Variants in SUN1 observed in about 807,000 individuals in gnomAD.
The protein encoded by SUN1 is Sad1 and UNC84 domain containing 1.
In SUN1, 61 loss-of-function variants were observed where a neutral mutation model predicts 103.2. That is an observed-to-expected ratio of 0.59 (90% CI 0.48 to 0.73). SUN1 has a LOEUF of 0.73. Among genes scored for constraint, SUN1 ranks in the 30% least tolerant of loss-of-function variants. The probability of loss-of-function intolerance (pLI) is 0.00; values close to 1 mark genes in which losing one functional copy is unlikely to be tolerated. For missense variants in SUN1, 1,052 were observed against 1,034.6 expected (o/e 1.02, Z -0.23); for synonymous variants, 490 against 425.7 (o/e 1.15, Z -1.86).
In SUN1 at chr7:860,352, C is replaced by T. The variant is rs780539401; in HGVS notation, c.1749C>T (p.Ser583=). The change falls in exon 14 of 19, where the codon AGC becomes AGT. Residue 583 remains serine, a synonymous_variant. Coordinates refer to ENST00000401592, the MANE Select transcript of SUN1 (RefSeq NM_001130965.3). ...CAGAAGCCGTGGTGTCTGCTGTGAGCGAGGCGGGGGCGTCTGGAATAACAG... is the reference window on the plus strand; with the variant it reads ...CAGAAGCCGTGGTGTCTGCTGTGAGTGAGGCGGGGGCGTCTGGAATAACAG... The part of the protein sequence containing the change: ...PTSEAVVSAV[S]EAGASGITEA... The T allele has an allele frequency of 1.1e-5, 17 of 1,614,068 alleles. No individual in the cohort carries two copies. Among genetic ancestry groups the T allele is most frequent in the South Asian group, 3.3e-5 (3 of 91,084 alleles).
chr7:832,910 C>T (rs190740316), intron 1 of SUN1: 15 of 292,668 alleles, frequency 5.1e-5, no homozygotes, highest in African/African-American at 1.3e-4. Flanking sequence ...TTTGTGAGAA[C>T]GTATCAGTGG....
rs1562876683 is a variant in SUN1 at position 874,652 on chromosome 7, T to G, written c.*1321T>G. On this transcript the variant is annotated 3_prime_UTR_variant, in exon 19 of 19. Transcript: ENST00000401592. ...AACTATGCAGTTAAGGCAGATAAAA[T>G]GTACAGATGTTTCATATATTACAGG... The G allele has an allele frequency of 6.6e-6, 1 of 152,222 alleles. No homozygotes were observed. Among genetic ancestry groups the G allele is most frequent in the South Asian group, 2.1e-4 (1 of 4,830 alleles). The allele number at this position is 152,222 out of a possible 1,614,324, so 9.4% of individuals were successfully genotyped here. A position where few individuals can be genotyped will look rare whatever the true frequency, so the allele number is the denominator to read the frequency against.
At chr7:831,070 A>T, upstream of SUN1, 1 of 929,898 alleles carries the variant, frequency 1.1e-6, no homozygotes, top group Non-Finnish European at 1.3e-6. Context: ...TGGTTAAAGT[A>T]GGTAGACAGG....
upstream of SUN1, among the ~76,000 whole-genome samples, chr7:829,413 T>C (rs193080733): frequency 5.8e-3 from 883 of 152,284 alleles, 4 homozygotes; most frequent in South Asian, 0.022. Flanking sequence ...CGGCGAGCAG[T>C]GCAAGGGCTG....
At chr7:826,699 C>T (rs995170687) in intron 1 of SUN1, among the ~76,000 whole-genome samples, 2 of 152,156 alleles carry the variant, frequency 1.3e-5, no homozygotes, top group Non-Finnish European at 2.9e-5. Context: ...AGGTTCCCCA[C>T]GGTTTCTGAT....
At chr7:829,551 T>TC (rs1795976920), upstream of SUN1, among the ~76,000 whole-genome samples, 1 of 150,672 alleles carries the variant, frequency 6.6e-6, no homozygotes, top group Admixed American at 6.6e-5. Context: ...ATAACTGGTT[T>TC]TTTTTTTTGT....
At chr7:850,088 T>C in intron 5 of SUN1, 1 of 1,469,222 alleles carries the variant, frequency 6.8e-7, no homozygotes, top group Non-Finnish European at 9.2e-7. Context: ...GCTATTTGTG[T>C]CTTGTGTGGT....
At chr7:855,742 G>A (rs1485234156) in intron 11 of SUN1, among the ~76,000 whole-genome samples, 1 of 152,204 alleles carries the variant, frequency 6.6e-6, no homozygotes, top group Admixed American at 6.5e-5. Context: ...GAGGGTCTGC[G>A]GGGCGCCTCC....
chr7:866,667 C>T (rs57714938), intron 16 of SUN1, among the ~76,000 whole-genome samples: 8 of 11,892 alleles, frequency 6.7e-4, no homozygotes, highest in Non-Finnish European at 7.2e-4. Context: ...ACCATCTCCC[C>T]GGGCCTTCGC....
chr7:839,317 C>G (rs1806690522), intron 2 of SUN1: 2 of 270,180 alleles, frequency 7.4e-6, no homozygotes, highest in Non-Finnish European at 1.4e-5. Flanking sequence ...TACAGCTGTC[C>G]TACCACATGT....
intron 13 of SUN1, among the ~76,000 whole-genome samples, chr7:858,390 CTT>C (rs10714763): frequency 0.058 from 8,756 of 149,902 alleles, 259 homozygotes; most frequent in Middle Eastern, 0.1. Context: ...CCTTTAAAAA[CTT>C]TTTTTTTTTT....
At chr7:843,257 T>G (rs374523851) in intron 4 of SUN1, 25 bp downstream of exon 4, 9 of 1,608,546 alleles carry the variant, frequency 5.6e-6, no homozygotes, top group Non-Finnish European at 7.6e-6. Flanking sequence ...CCTTTTATCT[T>G]CATATACTTT....
upstream of SUN1, among the ~76,000 whole-genome samples, chr7:828,047 G>A (rs1794261168): frequency 6.6e-6 from 1 of 151,940 alleles, no homozygotes; most frequent in Non-Finnish European, 1.5e-5. Flanking sequence ...GGGATTACAA[G>A]CACGCACCAC....
chr7:838,007 CTT>C (rs2128260752), intron 1 of SUN1, among the ~76,000 whole-genome samples: 1 of 152,372 alleles, frequency 6.6e-6, no homozygotes, highest in East Asian at 1.9e-4. Context: ...AGAAGAACCT[CTT>C]TCTTAAATTG....
intron 1 of SUN1, among the ~76,000 whole-genome samples, chr7:825,284 G>A (rs1226937015): frequency 2.6e-5 from 4 of 152,160 alleles, no homozygotes; most frequent in African/African-American, 9.7e-5. Flanking sequence ...GGTTGGTCTT[G>A]ATCTCCTGAC....
rs80170159 is a variant in SUN1 at position 818,043 on chromosome 7, C to T, written c.-74+1370C>T. On this transcript the variant is annotated intron_variant, in intron 1 of 17. Transcript: ENST00000389574. ...CTTTAAAATTTGTAATATGTTCTTA[C>T]TTCATAAATGGAGTATCCTCTCATT... Among the ~76,000 whole-genome samples the T allele has an allele frequency of 7.6e-3, 1,152 of 151,414 alleles. 49 individuals carry two copies. In the East Asian group the frequency reaches 0.14, roughly 18 times the overall value.
At chr7:825,462 C>A (rs1397130840) in intron 1 of SUN1, among the ~76,000 whole-genome samples, 1 of 152,180 alleles carries the variant, frequency 6.6e-6, no homozygotes, top group Non-Finnish European at 1.5e-5. Context: ...GTTCCATCCG[C>A]CCGAATTTAC....
intron 2 of SUN1, among the ~76,000 whole-genome samples, chr7:839,424 G>A (rs544462841): frequency 6.6e-4 from 100 of 152,272 alleles, no homozygotes; most frequent in African/African-American, 2.2e-3. Flanking sequence ...TCGCTCTGTC[G>A]CCCAGGGTGG....
Position 853,576 on chromosome 7 carries a change from G to A in SUN1, c.1221G>A (p.Pro407=), listed in dbSNP as rs373057888. Residue 407 remains proline (P), a synonymous_variant, in exon 10 of 19, where the codon CCG becomes CCA. Coordinates refer to ENST00000401592, the MANE Select transcript of SUN1 (RefSeq NM_001130965.3). The stretch of plus-strand genomic sequence containing the variant: ...AGATGGAAGGCGGCGCTGCCGGGCC[G>A]TCAGCTTCGGTCAGAGACGCTGTGG... The part of the protein sequence containing the change: ...VDQMEGGAAG[P]SASVRDAVGQ... The A allele has an allele frequency of 5.7e-5, 92 of 1,607,908 alleles. 1 individual carries two copies. The highest frequency in any genetic ancestry group is 1.9e-4 in the African/African-American group (14 of 75,032).
Sources: gnomAD v4.1 joint callset for allele counts (sites outside exome capture counted in the v4.1 genomes callset) on GRCh38, gnomAD v4.1.1 for gene constraint, MANE v1.5 for transcripts, NCBI Gene and HGNC (gene_info 2026-07-23, HGNC 2026-07-21) for gene names.